KREMEN1: variants seen among roughly 807,000 people sequenced by gnomAD.
KREMEN1 encodes kremen protein 1.
In KREMEN1, 30 loss-of-function variants were observed where a neutral mutation model predicts 46.5. The ratio of observed to expected loss-of-function variants is 0.65; its 90% CI spans 0.48 to 0.88. The LOEUF (loss-of-function observed/expected upper bound fraction) is 0.88. Ranked by LOEUF, KREMEN1 falls within the 40% of genes least tolerant of loss-of-function variation. The probability of loss-of-function intolerance (pLI) is 0.00; values close to 1 mark genes in which losing one functional copy is unlikely to be tolerated. For missense variants in KREMEN1, 533 were observed against 596.9 expected (o/e 0.89, Z 1.11); for synonymous variants, 214 against 230.6 (o/e 0.93, Z 0.65).
rs1267433623 is a variant in KREMEN1, at chr22:29,142,965, C to A, written c.*853C>A. 7.9e-6 allele frequency: 5 copies of A among 634,878 alleles called. No individual in the cohort carries two copies. The highest frequency in any genetic ancestry group is 9.8e-6 in the Non-Finnish European group (5 of 510,430). 39.3% of individuals were successfully genotyped at this position (634,878 alleles called of 1,614,324 possible). On this transcript the variant is annotated 3_prime_UTR_variant, in exon 9 of 9. Transcript: ENST00000400335. The stretch of plus-strand genomic sequence containing the variant: ...AGGAGTTCGAGACCAGCCTGGCCAA[C>A]ATGGTGAAACCCCGTCTCTACTAAA...
At chr22:29,167,127 C>G (rs775689674) in exon 10 of KREMEN1, 1 of 1,547,338 alleles carries the variant, frequency 6.5e-7, no homozygotes, top group African/African-American at 1.4e-5. Flanking sequence ...AACTAGGCTC[C>G]GTGGGCATAT....
chr22:29,101,905 C>A (rs2037983199), intron 3 of KREMEN1, among the ~76,000 whole-genome samples: 2 of 152,112 alleles, frequency 1.3e-5, no homozygotes, highest in Non-Finnish European at 2.9e-5. Flanking sequence ...TACTTTTAAA[C>A]AAGGTAAAGA....
At chr22:29,129,401 C>T (rs1396605520) in intron 5 of KREMEN1, among the ~76,000 whole-genome samples, 5 of 151,976 alleles carry the variant, frequency 3.3e-5, no homozygotes, top group African/African-American at 1.2e-4. Context: ...GCTCAAGTAC[C>T]GCCTCATGGA....
In KREMEN1 at chr22:29,092,066, A is replaced by G. The variant is rs551605696; in HGVS notation, c.98-2192A>G. ...TCTGAGTTTTGTTTTGAGTGCCATC[A>G]TTCTTTTAAGAACTATGGAGAATGG... On this transcript the variant is annotated intron_variant, in intron 1 of 8. Coordinates refer to ENST00000400335, the MANE Select transcript of KREMEN1 (RefSeq NM_001039570.3). Among the ~76,000 whole-genome samples the G allele has an allele frequency of 8.5e-5, 13 of 152,292 alleles. No individual in the cohort carries two copies. In the South Asian group the frequency reaches 2.7e-3, roughly 32 times the overall value.
At position 29,142,101 on chromosome 22, in the gene KREMEN1, G is replaced by A; in HGVS notation, c.1366G>A (p.Val456Met). The A allele has an allele frequency of 6.2e-7, 1 of 1,600,908 alleles. No homozygotes were observed. ...TCAACAAGATGACCGCAATCCCCTT[G>A]TGAGTGACTAAAAACCCCACTGTGC... The part of the protein sequence containing the change: ...QSQQDDRNPL[V>M]SD Residue 456 changes from valine to methionine, a missense_variant, in exon 9 of 9, where the codon GTG becomes ATG. By Grantham distance (21) the Val-to-Met change is conservative. Transcript: ENST00000400335.
At chr22:29,138,834 G>A in intron 7 of KREMEN1, 52 bp downstream of exon 7, 1 of 1,613,968 alleles carries the variant, frequency 6.2e-7, no homozygotes, top group Non-Finnish European at 8.5e-7. Flanking sequence ...AGAGTTGAAG[G>A]TAGCGCTCTT....
intron 5 of KREMEN1, among the ~76,000 whole-genome samples, chr22:29,136,031 C>G (rs140011029): frequency 0.011 from 1,603 of 152,152 alleles, 28 homozygotes; most frequent in African/African-American, 0.037. Context: ...AAGAAATTCT[C>G]CCGTCTCAGC....
Position 29,144,258 on chromosome 22 carries a change from C to T in KREMEN1, c.*2146C>T, listed in dbSNP as rs983553977. 6.5e-5 allele frequency: 64 copies of T among 985,526 alleles called. No homozygotes were observed. The highest frequency in any genetic ancestry group is 5.2e-4 in the Middle Eastern group (1 of 1,938). 61.0% of individuals were successfully genotyped at this position (985,526 alleles called of 1,614,324 possible). A position where few individuals can be genotyped will look rare whatever the true frequency, so the allele number is the denominator to read the frequency against. The stretch of plus-strand genomic sequence containing the variant: ...GTTCTGGAAACACCTCTGCACCTGC[C>T]GCCCCTGGGAGGAAAGAGGGCCACA... On this transcript the variant is annotated 3_prime_UTR_variant, in exon 9 of 9. Coordinates refer to ENST00000400335, the MANE Select transcript of KREMEN1 (RefSeq NM_001039570.3).
chr22:29,082,252 C>G (rs2037666790), intron 1 of KREMEN1, among the ~76,000 whole-genome samples: 1 of 152,062 alleles, frequency 6.6e-6, no homozygotes, highest in South Asian at 2.1e-4. Flanking sequence ...GAGTCTCGCT[C>G]TGTTGCCCAG....
At chr22:29,083,607 G>A (rs191569547) in intron 1 of KREMEN1, among the ~76,000 whole-genome samples, 12 of 152,254 alleles carry the variant, frequency 7.9e-5, no homozygotes, top group East Asian at 7.7e-4. Context: ...TGAGGCCGGC[G>A]GATCACTTGA....
chr22:29,142,475 G>C lies in KREMEN1; in HGVS notation c.*363G>C. On this transcript the variant is annotated 3_prime_UTR_variant, in exon 9 of 9. Coordinates refer to ENST00000400335, the MANE Select transcript of KREMEN1 (RefSeq NM_001039570.3). ...GTACATTCTAGATGGCTGTCAGGTG[G>C]TGGGTAGCTTTAGTTACATTGAATT... 9.8e-7 allele frequency: 1 copy of C among 1,023,428 alleles called. No individual in the cohort carries two copies. The highest frequency in any genetic ancestry group is 1.2e-6 in the Non-Finnish European group (1 of 855,634). 63.4% of individuals were successfully genotyped at this position (1,023,428 alleles called of 1,614,324 possible).
intron 9 of KREMEN1, chr22:29,167,027 C>T: frequency 1.3e-6 from 2 of 1,548,090 alleles, no homozygotes; most frequent in Non-Finnish European, 1.7e-6. Context: ...CACTCATTGT[C>T]CTTCCTACCT....
At chr22:29,164,499 A>G (rs571120472) in intron 9 of KREMEN1, among the ~76,000 whole-genome samples, 1 of 152,298 alleles carries the variant, frequency 6.6e-6, no homozygotes, top group East Asian at 1.9e-4. Flanking sequence ...AGCTTAAAAC[A>G]AGGAACTGGA....
At chr22:29,132,091 C>G (rs933232210) in intron 5 of KREMEN1, among the ~76,000 whole-genome samples, 6 of 151,876 alleles carry the variant, frequency 4.0e-5, no homozygotes, top group African/African-American at 1.5e-4. Context: ...AGGCTGGTCT[C>G]AAACTCCGGA....
intron 3 of KREMEN1, among the ~76,000 whole-genome samples, chr22:29,105,898 A>C (rs2038051878): frequency 6.6e-6 from 1 of 152,198 alleles, no homozygotes; most frequent in Non-Finnish European, 1.5e-5. Context: ...GGTTTCTTTT[A>C]ACTAAATAAT....
chr22:29,089,379 C>T (rs968612007), intron 1 of KREMEN1, among the ~76,000 whole-genome samples: 1 of 152,140 alleles, frequency 6.6e-6, no homozygotes, highest in Non-Finnish European at 1.5e-5. Context: ...GACCCTGTAT[C>T]CAAACCCCCA....
chr22:29,073,241 A>AC lies in KREMEN1; in HGVS notation c.97+20dup, dbSNP rs1266690992. On this transcript the variant is annotated intron_variant, in intron 1 of 8. Coordinates refer to ENST00000400335, the MANE Select transcript of KREMEN1 (RefSeq NM_001039570.3). This position sits in a 1 kb window ranked among gnomAD's most constrained non-coding sequence, Gnocchi z 4.4. ...GCCCCGGACCCGGTGAGTGTGAGCG[A>AC]CCCCCCGCCGCCCGCCCTGAGCGGA... is the stretch of plus-strand genomic sequence containing the variant. 6 of 1,100,840 alleles carry AC rather than the reference A, an allele frequency of 5.5e-6. No individual in the cohort carries two copies. The African/African-American group carries it at 6.8e-5, about 12-fold the overall frequency. 68.2% of individuals were successfully genotyped at this position (1,100,840 alleles called of 1,614,324 possible).
rs2038770225 is a variant in KREMEN1 at position 29,141,997 on chromosome 22, C to T, written c.1262C>T (p.Thr421Ile). Reference sequence around the variant, plus strand: ...CTTAGGGATTGTCATCAACCAGGGACTTCGGGGGAAATCTGGAGCATTTTT... The same window carrying T: ...CTTAGGGATTGTCATCAACCAGGGATTTCGGGGGAAATCTGGAGCATTTTT... ...GDLRDCHQPG[T>I]SGEIWSIFYK... The change falls in exon 9 of 9, where the codon ACT becomes ATT. Residue 421 changes from threonine (T) to isoleucine (I), a missense_variant. Coordinates refer to ENST00000400335, the MANE Select transcript of KREMEN1 (RefSeq NM_001039570.3). The T allele has an allele frequency of 6.2e-7, 1 of 1,613,314 alleles. No individual in the cohort carries two copies. Among genetic ancestry groups the T allele is most frequent in the Non-Finnish European group, 8.5e-7 (1 of 1,179,654 alleles).
At chr22:29,129,074 C>T (rs2038491475) in intron 5 of KREMEN1, among the ~76,000 whole-genome samples, 1 of 152,222 alleles carries the variant, frequency 6.6e-6, no homozygotes, top group South Asian at 2.1e-4. Flanking sequence ...ACGCCATCCT[C>T]CAGAGGCCCA....
Sources: gnomAD v4.1 joint callset for allele counts (sites outside exome capture counted in the v4.1 genomes callset) on GRCh38, gnomAD v4.1.1 for gene constraint, Gnocchi (gnomAD v3.1) non-coding constraint, MANE v1.5 for transcripts, NCBI Gene and HGNC (gene_info 2026-07-23, HGNC 2026-07-21) for gene names.